The following ANKRD10 variants were observed in gnomAD, a reference collection of about 807,000 sequenced individuals.
ANKRD10 encodes the protein ankyrin repeat domain 10.
In ANKRD10, 14 loss-of-function variants were observed where a neutral mutation model predicts 27.0. The observed-to-expected ratio is 0.52, with a 90% CI of 0.34 to 0.81. The LOEUF (loss-of-function observed/expected upper bound fraction) is 0.81, where lower values mean the gene tolerates loss of function less well. Among genes scored for constraint, ANKRD10 ranks in the 40% least tolerant of loss-of-function variants. The pLI is 0.01. For missense variants in ANKRD10, 493 were observed against 544.0 expected (o/e 0.91, Z 0.93); for synonymous variants, 250 against 224.5 (o/e 1.11, Z -1.01).
intron 4 of ANKRD10, 44 bp downstream of exon 4, chr13:110,892,984 A>C (rs769389793): frequency 6.2e-7 from 1 of 1,601,402 alleles, no homozygotes; most frequent in South Asian, 1.1e-5. Flanking sequence ...ATATTACAGA[A>C]AGGAAAAATA....
intron 5 of ANKRD10, among the ~76,000 whole-genome samples, chr13:110,882,464 T>G (rs2138819393): frequency 1.3e-5 from 2 of 152,354 alleles, no homozygotes; most frequent in South Asian, 4.1e-4. Flanking sequence ...GTGTATGGAC[T>G]CGGCATCTGG....
At position 110,883,773 on chromosome 13, in the gene ANKRD10, C is replaced by G; in HGVS notation, c.712G>C (p.Val238Leu). 6.2e-7 allele frequency: 1 copy of G among 1,614,118 alleles called. No homozygotes were observed. ...TCTGTGTCGCCATTCGTGAGTGGCACGGCAGAATCCAAGCTTTGAGCTGCA... is the reference window on the plus strand; with the variant it reads ...TCTGTGTCGCCATTCGTGAGTGGCAGGGCAGAATCCAAGCTTTGAGCTGCA... ...RTEAQSLDSA[V>L]PLTNGDTEDD... is the part of the protein sequence containing the mutation. The change falls in exon 5 of 6, where the codon GTG becomes CTG. Residue 238 changes from valine (V) to leucine (L), a missense_variant. Coordinates refer to ENST00000267339, the MANE Select transcript of ANKRD10 (RefSeq NM_017664.4).
chr13:110,894,062 A>G (rs533533625), intron 3 of ANKRD10: 12 of 1,317,002 alleles, frequency 9.1e-6, no homozygotes, highest in Admixed American at 1.7e-5. Context: ...GTGATGGCAG[A>G]GTAAGTGAAA....
chr13:110,895,128 G>A (rs1387074394), intron 3 of ANKRD10: 2 of 152,148 alleles, frequency 1.3e-5, no homozygotes, highest in African/African-American at 2.4e-5. Context: ...CTATAGATAA[G>A]CATAGACTTG....
At chr13:110,891,525 T>C (rs184344106) in intron 4 of ANKRD10, among the ~76,000 whole-genome samples, 24 of 152,372 alleles carry the variant, frequency 1.6e-4, no homozygotes, top group Admixed American at 1.2e-3. Flanking sequence ...GGAATTTTTA[T>C]GGTGACAAGA....
At chr13:110,885,434 G>A (rs2064903460) in intron 4 of ANKRD10, among the ~76,000 whole-genome samples, 2 of 152,150 alleles carry the variant, frequency 1.3e-5, no homozygotes, top group Non-Finnish European at 2.9e-5. Flanking sequence ...TGTAGTCCCA[G>A]CTACTGGGGA....
intron 1 of ANKRD10, among the ~76,000 whole-genome samples, chr13:110,911,357 CAGG>C (rs2065701185): frequency 1.3e-5 from 2 of 152,070 alleles, no homozygotes; most frequent in Non-Finnish European, 2.9e-5. Flanking sequence ...GAGGCTGAGG[CAGG>C]AGAATTGCTT....
In ANKRD10 at chr13:110,914,906, ACGCCCG is replaced by A; in HGVS notation, c.23_28del (p.Ala8_Gly9del). On this transcript the variant is annotated inframe_deletion, in exon 1 of 6. Transcript: ENST00000267339. Reference sequence around the variant, plus strand: ...CTCCTCGCTGGAGAAGCCCGCCTCTACGCCCGCGCCCGCTCCCGCCGCCGACATGGT... The same window carrying A: ...CTCCTCGCTGGAGAAGCCCGCCTCTACGCCCGCTCCCGCCGCCGACATGGT... The A allele has an allele frequency of 5.2e-6, 8 of 1,537,068 alleles. No homozygotes were observed. The South Asian group carries it at 9.5e-5, about 18-fold the overall frequency.
chr13:110,913,788 G>C (rs1002065628), intron 1 of ANKRD10, among the ~76,000 whole-genome samples: 1 of 152,162 alleles, frequency 6.6e-6, no homozygotes, highest in African/African-American at 2.4e-5. Context: ...CTGAATTTCA[G>C]TGAATTAAGA....
chr13:110,894,074 A>G, intron 3 of ANKRD10: 2 of 1,424,894 alleles, frequency 1.4e-6, no homozygotes, highest in South Asian at 1.2e-5. Flanking sequence ...TAAGTGAAAG[A>G]GCTGAATAAA....
intron 3 of ANKRD10, 44 bp downstream of exon 3, chr13:110,905,989 T>C: frequency 6.6e-7 from 1 of 1,516,918 alleles, no homozygotes; most frequent in Non-Finnish European, 9.0e-7. Context: ...CAAAACATCC[T>C]CAACTACATC....
intron 3 of ANKRD10, chr13:110,900,840 C>A (rs924880108): frequency 4.0e-5 from 18 of 445,632 alleles, no homozygotes; most frequent in African/African-American, 3.5e-4. Flanking sequence ...ACATAGACAA[C>A]ATAAGGTGCA....
intron 4 of ANKRD10, among the ~76,000 whole-genome samples, chr13:110,892,416 C>CGAAAAA (rs767040954): frequency 5.1e-5 from 1 of 19,550 alleles, no homozygotes; most frequent in African/African-American, 2.9e-4. Context: ...GGTGACAGAG[C>CGAAAAA]AAAAAAAAAA....
chr13:110,889,015 A>C (rs1288882158), intron 4 of ANKRD10, among the ~76,000 whole-genome samples: 1 of 144,492 alleles, frequency 6.9e-6, no homozygotes, highest in Non-Finnish European at 1.5e-5. Context: ...CCACGACTCT[A>C]GAGCTCCATC....
chr13:110,891,603 ACACT>A (rs2065075008), intron 4 of ANKRD10, among the ~76,000 whole-genome samples: 2 of 152,220 alleles, frequency 1.3e-5, no homozygotes, highest in African/African-American at 4.8e-5. Context: ...TCACTTGGAC[ACACT>A]CATTAAATAA....
intron 3 of ANKRD10, among the ~76,000 whole-genome samples, chr13:110,896,931 T>C (rs555626245): frequency 6.6e-6 from 1 of 152,308 alleles, no homozygotes; most frequent in East Asian, 1.9e-4. Flanking sequence ...ACTGTAAATA[T>C]TCCTCTATCC....
intron 3 of ANKRD10, chr13:110,895,413 G>T (rs11618215): frequency 0.34 from 51,802 of 151,914 alleles, 9,323 homozygotes; most frequent in South Asian, 0.42. Context: ...TGAAACCCTG[G>T]CTCTACTAAA....
At chr13:110,900,273 CT>C (rs2065347455) in intron 3 of ANKRD10, among the ~76,000 whole-genome samples, 1 of 152,148 alleles carries the variant, frequency 6.6e-6, no homozygotes, top group South Asian at 2.1e-4. Context: ...CAGGAAATAC[CT>C]GAAGTATAAT....
chr13:110,902,055 A>G (rs1236385866), intron 3 of ANKRD10, among the ~76,000 whole-genome samples: 3 of 70,804 alleles, frequency 4.2e-5, no homozygotes, highest in Non-Finnish European at 9.8e-5. Flanking sequence ...TTTAGAAAAA[A>G]AAAAAAAAAA....
Sources: gnomAD v4.1 joint callset for allele counts (sites outside exome capture counted in the v4.1 genomes callset) on GRCh38, gnomAD v4.1.1 for gene constraint, MANE v1.5 for transcripts, NCBI Gene and HGNC (gene_info 2026-07-23, HGNC 2026-07-21) for gene names.